FRMD4A: variants seen among roughly 807,000 people sequenced by gnomAD.
The protein encoded by FRMD4A is FERM domain containing 4A.
A neutral mutation model predicts 129.1 loss-of-function variants in FRMD4A; 29 were observed. The ratio of observed to expected loss-of-function variants is 0.22; its 90% CI spans 0.17 to 0.31. The LOEUF (loss-of-function observed/expected upper bound fraction) is 0.31, where lower values mean the gene tolerates loss of function less well. FRMD4A is among the 10% of genes least tolerant of loss of function. The probability of loss-of-function intolerance (pLI) is 1.00; values close to 1 mark genes in which losing one functional copy is unlikely to be tolerated. For missense variants in FRMD4A, 1,272 were observed against 1,375.8 expected (o/e 0.92, Z 1.19); for synonymous variants, 634 against 571.6 (o/e 1.11, Z -1.56).
At chr10:13,948,866 G>A (rs1350932075) in intron 2 of FRMD4A, among the ~76,000 whole-genome samples, 1 of 151,648 alleles carries the variant, frequency 6.6e-6, no homozygotes, top group Non-Finnish European at 1.5e-5. Flanking sequence ...TGGCCAGGAT[G>A]GTTTTGATCT....
intron 2 of FRMD4A, among the ~76,000 whole-genome samples, chr10:14,094,237 G>A (rs952010352): frequency 2.0e-5 from 3 of 152,218 alleles, no homozygotes; most frequent in Non-Finnish European, 2.9e-5. Context: ...AGACGACATG[G>A]CGCGTTGCCC....
intron 2 of FRMD4A, among the ~76,000 whole-genome samples, chr10:14,096,306 C>T (rs1228213782): frequency 6.6e-6 from 1 of 152,188 alleles, no homozygotes; most frequent in Non-Finnish European, 1.5e-5. Context: ...TTGCCTTGAT[C>T]TTGAACTTCC....
At chr10:13,790,653 C>T (rs2092978845) in intron 5 of FRMD4A, among the ~76,000 whole-genome samples, 1 of 151,902 alleles carries the variant, frequency 6.6e-6, no homozygotes, top group African/African-American at 2.4e-5. Context: ...GGGAGCAGGG[C>T]AGAAGCACGC....
intron 3 of FRMD4A, among the ~76,000 whole-genome samples, chr10:13,824,918 A>G (rs1275400676): frequency 6.8e-6 from 1 of 148,074 alleles, no homozygotes; most frequent in Non-Finnish European, 1.5e-5. Context: ...AAAAAAAAAG[A>G]GTAATCAAGA....
intron 5 of FRMD4A, among the ~76,000 whole-genome samples, chr10:13,790,939 G>C (rs535155502): frequency 6.6e-6 from 1 of 152,020 alleles, no homozygotes; most frequent in African/African-American, 2.4e-5. Flanking sequence ...AAAAAGAGAG[G>C]AAAGGCTCGA....
At chr10:14,249,009 G>A (rs187142811) in intron 2 of FRMD4A, among the ~76,000 whole-genome samples, 48 of 152,284 alleles carry the variant, frequency 3.2e-4, no homozygotes, top group Admixed American at 1.9e-3. Flanking sequence ...TTTGACATAC[G>A]TGATGACTTT....
chr10:13,682,649 C>A (rs1404339584), intron 15 of FRMD4A, among the ~76,000 whole-genome samples: 1 of 151,660 alleles, frequency 6.6e-6, no homozygotes, highest in Admixed American at 6.6e-5. Flanking sequence ...CACAGGCACA[C>A]GCCACCACGC....
chr10:14,252,584 C>A (rs1844477034), intron 2 of FRMD4A, among the ~76,000 whole-genome samples: 1 of 152,214 alleles, frequency 6.6e-6, no homozygotes, highest in Non-Finnish European at 1.5e-5. Flanking sequence ...CAGGAGTACA[C>A]TCTGGAAATG....
At chr10:14,287,626 T>C (rs1386130603) in intron 2 of FRMD4A, among the ~76,000 whole-genome samples, 3 of 152,206 alleles carry the variant, frequency 2.0e-5, no homozygotes, top group Non-Finnish European at 2.9e-5. Context: ...GCAACGCTTA[T>C]AAATGAGACA....
At chr10:13,879,258 G>A (rs1248482982) in intron 2 of FRMD4A, among the ~76,000 whole-genome samples, 1 of 151,856 alleles carries the variant, frequency 6.6e-6, no homozygotes, top group African/African-American at 2.4e-5. Context: ...AAATTAGCCG[G>A]GTGTGGTGGT....
At chr10:13,799,799 G>A (rs1324222761) in intron 4 of FRMD4A, among the ~76,000 whole-genome samples, 1 of 151,982 alleles carries the variant, frequency 6.6e-6, no homozygotes, top group East Asian at 1.9e-4. Context: ...CCTAAGTCTG[G>A]GGTTTCTTTC....
At chr10:13,900,053 T>A (rs1158031638) in intron 2 of FRMD4A, among the ~76,000 whole-genome samples, 4 of 152,210 alleles carry the variant, frequency 2.6e-5, no homozygotes, top group African/African-American at 4.8e-5. Context: ...CAGGTTAAAG[T>A]GCTTGGCTGG....
rs779471389 is a variant in FRMD4A, at chr10:14,010,664, C to CTTTT, written c.46-151756_46-151753dup. Among the ~76,000 whole-genome samples, 271 of 76,414 alleles carry CTTTT rather than the reference C, an allele frequency of 3.5e-3. 13 individuals are homozygous for CTTTT. The highest frequency in any genetic ancestry group is 0.01 in the African/African-American group (236 of 22,576). The allele number at this position is 76,414 out of a possible 152,430, so 50.1% of individuals were successfully genotyped here. A position where few individuals can be genotyped will look rare whatever the true frequency, so the allele number is the denominator to read the frequency against. Reference sequence around the variant, plus strand: ...TCAAAATTAATTGTCGAGTTTAGGTCTTTTTTTTTTTTTTTTTTTTTTTTA... The same window carrying CTTTT: ...TCAAAATTAATTGTCGAGTTTAGGTCTTTTTTTTTTTTTTTTTTTTTTTTTTTTA... On this transcript the variant is annotated intron_variant, in intron 2 of 24. Transcript: ENST00000357447.
chr10:13,912,632 C>T (rs937871350), intron 2 of FRMD4A, among the ~76,000 whole-genome samples: 2 of 148,718 alleles, frequency 1.3e-5, no homozygotes, highest in Non-Finnish European at 3.0e-5. Context: ...GAGTTCACGC[C>T]GTTTTCCTGC....
chr10:13,941,592 A>G (rs1023014519), intron 2 of FRMD4A, among the ~76,000 whole-genome samples: 1 of 152,218 alleles, frequency 6.6e-6, no homozygotes, highest in South Asian at 2.1e-4. Context: ...CAGGTTAACT[A>G]GAGGAGCTTT....
At chr10:13,712,259 C>T (rs922956190) in intron 12 of FRMD4A, among the ~76,000 whole-genome samples, 1 of 152,180 alleles carries the variant, frequency 6.6e-6, no homozygotes, top group African/African-American at 2.4e-5. Flanking sequence ...TGGTAGCTCA[C>T]GCTTGTAATC....
chr10:13,710,213 G>T (rs1024204065), intron 12 of FRMD4A, among the ~76,000 whole-genome samples: 1 of 152,134 alleles, frequency 6.6e-6, no homozygotes, highest in Non-Finnish European at 1.5e-5. Flanking sequence ...GTGTGAGCAC[G>T]CTTGAGAAAA....
intron 12 of FRMD4A, among the ~76,000 whole-genome samples, chr10:13,715,118 A>G (rs939734458): frequency 6.6e-6 from 1 of 152,120 alleles, no homozygotes; most frequent in Admixed American, 6.6e-5. Flanking sequence ...GTCTCAAATA[A>G]TCAGTATTCA....
chr10:13,714,820 G>A (rs748250665), intron 12 of FRMD4A, among the ~76,000 whole-genome samples: 4 of 151,574 alleles, frequency 2.6e-5, no homozygotes, highest in Non-Finnish European at 4.4e-5. Flanking sequence ...TGGGCCCATC[G>A]TGAGGTCAGA....
Sources: gnomAD v4.1 joint callset for allele counts (sites outside exome capture counted in the v4.1 genomes callset) on GRCh38, gnomAD v4.1.1 for gene constraint, MANE v1.5 for transcripts, NCBI Gene and HGNC (gene_info 2026-07-23, HGNC 2026-07-21) for gene names.